Variants in DENND2A observed in about 807,000 individuals in gnomAD.
DENND2A encodes DENN domain-containing protein 2A.
Under a neutral mutation model 105.3 loss-of-function variants are expected in DENND2A, and 53 were observed. The observed-to-expected ratio is 0.50, with a 90% CI of 0.40 to 0.63. The LOEUF (loss-of-function observed/expected upper bound fraction) is 0.63, where lower values mean the gene tolerates loss of function less well. DENND2A is among the 30% of genes least tolerant of loss of function. The pLI is 0.00. For missense variants in DENND2A, 1,138 were observed against 1,279.6 expected, an observed-to-expected ratio of 0.89 and a Z score of 1.69; for synonymous variants, 522 against 508.4, an observed-to-expected ratio of 1.03 and a Z score of -0.36.
rs890090370 is a variant in DENND2A, at chr7:140,591,671, C to CTCTTTCTTTCTT, written c.996-3903_996-3892dup. Among the ~76,000 whole-genome samples, 10 of 146,234 alleles carry CTCTTTCTTTCTT rather than the reference C, an allele frequency of 6.8e-5. 1 individual carries two copies. The highest frequency in any genetic ancestry group is 2.3e-4 in the African/African-American group (9 of 38,318). On this transcript the variant is annotated intron_variant, in intron 3 of 19. Transcript: ENST00000496613. ...CCTTCCTTCCTTTCTTTCTTTCTTT[C>CTCTTTCTTTCTT]TCTTTCTTTCTTTCTTTCTTTCCTT...
chr7:140,570,777 C>T (rs570231584), intron 6 of DENND2A, among the ~76,000 whole-genome samples: 2 of 152,360 alleles, frequency 1.3e-5, no homozygotes, highest in African/African-American at 4.8e-5. Flanking sequence ...CTCCCCACCT[C>T]CCAGGCCAGC....
At position 140,559,135 on chromosome 7, in the gene DENND2A, G is replaced by A. The variant is rs140324245; in HGVS notation, c.1889+573C>T. ...GAGGGAGCAGCGGAAGATGGGGACA[G>A]TTCTGTGCCCCTCTTGGAATTGCCC... On this transcript the variant is annotated intron_variant, in intron 10 of 19. Transcript: ENST00000496613. The surrounding 1 kb of genome is among the most constrained non-coding windows in gnomAD (Gnocchi z 4.1). Among the ~76,000 whole-genome samples, 310 of 152,332 alleles carry A rather than the reference G, an allele frequency of 2.0e-3. 1 individual carries two copies. Among genetic ancestry groups the A allele is most frequent in the African/African-American group, 7.2e-3 (298 of 41,588 alleles).
At chr7:140,578,499 C>A (rs184058720) in intron 5 of DENND2A, among the ~76,000 whole-genome samples, 18 of 152,290 alleles carry the variant, frequency 1.2e-4, no homozygotes, top group African/African-American at 2.6e-4. Flanking sequence ...GTCATTCACA[C>A]AAACATACAT....
chr7:140,556,211 T>G (rs1425142492), intron 11 of DENND2A, among the ~76,000 whole-genome samples: 3 of 151,084 alleles, frequency 2.0e-5, no homozygotes, highest in Non-Finnish European at 2.9e-5. Flanking sequence ...AGAGAAGGGG[T>G]TTCGCCATAT....
chr7:140,614,052 A>G (rs1008850442), intron 1 of DENND2A, among the ~76,000 whole-genome samples: 2 of 152,124 alleles, frequency 1.3e-5, no homozygotes, highest in African/African-American at 4.8e-5. Context: ...TAAACACTGA[A>G]GTCCTCAAAG....
intron 14 of DENND2A, 131 bp downstream of exon 14, chr7:140,544,487 G>A (rs1386469697): frequency 1.4e-5 from 17 of 1,228,794 alleles, no homozygotes; most frequent in African/African-American, 7.4e-5. Context: ...GAGTCACCGC[G>A]CCCAGCCTAT....
At chr7:140,624,813 T>C (rs1800448200) in intron 1 of DENND2A, among the ~76,000 whole-genome samples, 1 of 152,048 alleles carries the variant, frequency 6.6e-6, no homozygotes. Context: ...ATGTTCTTTG[T>C]TATTATTAGG....
intron 1 of DENND2A, among the ~76,000 whole-genome samples, chr7:140,636,042 C>A (rs567389498): frequency 1.3e-5 from 2 of 152,170 alleles, no homozygotes; most frequent in African/African-American, 4.8e-5. Context: ...TGGCACTCTT[C>A]CCTGAGTAAC....
At chr7:140,558,430 T>A (rs924961457) in intron 10 of DENND2A, among the ~76,000 whole-genome samples, 1 of 152,162 alleles carries the variant, frequency 6.6e-6, no homozygotes. Context: ...GCACAGTGGC[T>A]CATGCCTGTA....
At chr7:140,575,380 G>A (rs1400746935) in intron 5 of DENND2A, among the ~76,000 whole-genome samples, 1 of 152,152 alleles carries the variant, frequency 6.6e-6, no homozygotes, top group Non-Finnish European at 1.5e-5. Context: ...GTTGGTGGGA[G>A]CATCACTTGG....
chr7:140,539,668 C>T (rs1357439733), intron 14 of DENND2A, among the ~76,000 whole-genome samples: 2 of 152,204 alleles, frequency 1.3e-5, no homozygotes, highest in African/African-American at 2.4e-5. Flanking sequence ...GTGACAGGGC[C>T]GTAGGGGGCA....
At chr7:140,576,651 A>G (rs1798311377) in intron 5 of DENND2A, among the ~76,000 whole-genome samples, 1 of 152,216 alleles carries the variant, frequency 6.6e-6, no homozygotes, top group Admixed American at 6.5e-5. Context: ...TTTTAAAAAG[A>G]TTTCCAAAAA....
intron 3 of DENND2A, among the ~76,000 whole-genome samples, chr7:140,593,411 C>T (rs1799144380): frequency 6.6e-6 from 1 of 152,222 alleles, no homozygotes. Context: ...TTCCAAAGAA[C>T]TTTGCTGAAG....
chr7:140,533,347 G>C (rs1585566554), intron 14 of DENND2A, among the ~76,000 whole-genome samples: 1 of 152,128 alleles, frequency 6.6e-6, no homozygotes, highest in Non-Finnish European at 1.5e-5. Flanking sequence ...GAAGTACAAG[G>C]GGCTGCTCCC....
At position 140,602,218 on chromosome 7, in the gene DENND2A, G is replaced by A; in HGVS notation, c.180C>T (p.Pro60=). ...ISEWEGKKEV[P]TPAPSRRADG... Reference sequence around the variant, plus strand: ...CTGCTCTCCTGCTGGGTGCAGGAGTGGGCACCTCTTTCTTCCCTTCCCATT... The same window carrying A: ...CTGCTCTCCTGCTGGGTGCAGGAGTAGGCACCTCTTTCTTCCCTTCCCATT... The change falls in exon 3 of 20, where the codon CCC becomes CCT. Residue 60 remains proline (P), a synonymous_variant. Coordinates refer to ENST00000496613, the MANE Select transcript of DENND2A (RefSeq NM_015689.5). The A allele has an allele frequency of 6.2e-7, 1 of 1,614,078 alleles. No individual in the cohort carries two copies. The highest frequency in any genetic ancestry group is 8.5e-7 in the Non-Finnish European group (1 of 1,180,022).
chr7:140,571,218 G>A (rs953075386), intron 6 of DENND2A, among the ~76,000 whole-genome samples: 2 of 152,138 alleles, frequency 1.3e-5, no homozygotes, highest in African/African-American at 4.8e-5. Context: ...GAGTGCAGTG[G>A]CGTGATCTTG....
rs369401708 is a variant in DENND2A at position 140,587,672 on chromosome 7, G to T, written c.1104C>A (p.Asn368Lys). 6.2e-7 allele frequency: 1 copy of T among 1,613,860 alleles called. No individual in the cohort carries two copies. The highest frequency in any genetic ancestry group is 8.5e-7 in the Non-Finnish European group (1 of 1,179,962). ...LGLTRTLSEE[N>K]VYEDILDPPM... is the part of the protein sequence containing the mutation. ...TCTTACCTAGAATGTCTTCATAGAC[G>T]TTCTCCTCCGATAAAGTGCGTGTCA... The change falls in exon 4 of 20, where the codon AAC (asparagine) becomes AAA (lysine). Residue 368 changes from asparagine to lysine, a missense_variant. Around this residue, in one of 2 missense-constraint regions of DENND2A, gnomAD observed 511 missense variants for 499.9 expected, o/e 1.02. Transcript: ENST00000496613.
chr7:140,576,274 A>C (rs1204473346), intron 5 of DENND2A, among the ~76,000 whole-genome samples: 1 of 152,100 alleles, frequency 6.6e-6, no homozygotes, highest in African/African-American at 2.4e-5. Flanking sequence ...TTTTATATGA[A>C]AATGTGTTAA....
intron 14 of DENND2A, among the ~76,000 whole-genome samples, chr7:140,536,355 A>AG (rs1796455015): frequency 6.6e-6 from 1 of 150,642 alleles, no homozygotes; most frequent in South Asian, 2.1e-4. Flanking sequence ...CCTCCATCTC[A>AG]GGAAAAAAAA....
Sources: allele counts gnomAD v4.1 joint callset (sites outside exome capture counted in the v4.1 genomes callset), GRCh38; gene constraint gnomAD v4.1.1; regional missense constraint gnomAD v4.1.1; non-coding constraint Gnocchi (gnomAD v3.1); transcripts MANE v1.5; gene names NCBI Gene and HGNC (gene_info 2026-07-23, HGNC 2026-07-21).